Variants in BFSP1 observed in about 807,000 individuals in gnomAD.
The protein encoded by BFSP1 is beaded filament structural protein 1, also known as filensin.
Under a neutral mutation model 43.9 loss-of-function variants are expected in BFSP1, and 38 were observed. The ratio of observed to expected loss-of-function variants is 0.87; its 90% CI spans 0.67 to 1.14. The LOEUF is 1.14. Ranked by LOEUF, BFSP1 falls within the 50% of genes most tolerant of loss-of-function variation. The pLI is 0.00. For synonymous variants in BFSP1, 352 were observed against 354.8 expected (o/e 0.99, Z 0.09); for missense variants, 850 against 875.1 (o/e 0.97, Z 0.36).
intron 4 of BFSP1, among the ~76,000 whole-genome samples, chr20:17,511,505 G>A (rs898584295): frequency 1.3e-5 from 2 of 152,220 alleles, no homozygotes; most frequent in African/African-American, 4.8e-5. Flanking sequence ...GCAGATGAGT[G>A]CACAAAAGGA....
chr20:17,514,823 T>C lies in BFSP1; in HGVS notation c.439-7A>G. On this transcript the variant is annotated splice_polypyrimidine_tract_variant and splice_region_variant and intron_variant, in intron 2 of 7. Coordinates refer to ENST00000377873, the MANE Select transcript of BFSP1 (RefSeq NM_001195.5). ...GCAAGGCTTCATCAGCTTCCTGCAA[T>C]GAGAGCCACATATCCCTGGCCACAG... 1 of 1,613,050 alleles carries C rather than the reference T, an allele frequency of 6.2e-7. No individual in the cohort carries two copies. The highest frequency in any genetic ancestry group is 8.5e-7 in the Non-Finnish European group (1 of 1,179,536).
chr20:17,554,668 G>A (rs2034960693), intron 1 of BFSP1, among the ~76,000 whole-genome samples: 1 of 152,204 alleles, frequency 6.6e-6, no homozygotes, highest in African/African-American at 2.4e-5. Context: ...AATATTAGAT[G>A]CTTTTCCACC....
At chr20:17,515,637 C>T (rs991661234) in intron 2 of BFSP1, among the ~76,000 whole-genome samples, 3 of 152,178 alleles carry the variant, frequency 2.0e-5, no homozygotes, top group Non-Finnish European at 4.4e-5. Context: ...TATTCATGCT[C>T]TTAATAAGAT....
At chr20:17,512,377 C>T (rs2034104952) in intron 3 of BFSP1, among the ~76,000 whole-genome samples, 1 of 151,028 alleles carries the variant, frequency 6.6e-6, no homozygotes, top group African/African-American at 2.4e-5. Flanking sequence ...GTGCATTGGT[C>T]TTCACAAAGC....
intron 6 of BFSP1, among the ~76,000 whole-genome samples, chr20:17,497,823 A>G (rs2033692099): frequency 6.6e-6 from 1 of 152,102 alleles, no homozygotes; most frequent in South Asian, 2.1e-4. Flanking sequence ...ATTTAAAATT[A>G]GACCAAAATC....
chr20:17,520,133 G>C (rs1004781489), intron 2 of BFSP1, among the ~76,000 whole-genome samples: 1 of 152,070 alleles, frequency 6.6e-6, no homozygotes, highest in Non-Finnish European at 1.5e-5. Context: ...GATCAGAAAT[G>C]CAAATACTCC....
At chr20:17,538,727 TCAGAAATG>T (rs1272649371) in intron 1 of BFSP1, among the ~76,000 whole-genome samples, 11 of 152,190 alleles carry the variant, frequency 7.2e-5, no homozygotes, top group African/African-American at 2.7e-4. Flanking sequence ...TCCCATGACC[TCAGAAATG>T]CAGAAATGAG....
chr20:17,558,861 G>C, exon 1 of BFSP1: 1 of 892,700 alleles, frequency 1.1e-6, no homozygotes, highest in Non-Finnish European at 1.6e-6. Flanking sequence ...TTTGCAGAGA[G>C]GAAGTGACTC....
chr20:17,549,760 C>CG (rs1183710278), intron 1 of BFSP1, among the ~76,000 whole-genome samples: 2 of 152,082 alleles, frequency 1.3e-5, no homozygotes, highest in African/African-American at 2.4e-5. Flanking sequence ...CACTTAAACC[C>CG]GGGGGGCAGA....
At chr20:17,522,857 C>CA (rs1326518316) in intron 2 of BFSP1, among the ~76,000 whole-genome samples, 1 of 152,214 alleles carries the variant, frequency 6.6e-6, no homozygotes, top group Non-Finnish European at 1.5e-5. Flanking sequence ...AGGGACAAGG[C>CA]AATTGGCCCA....
chr20:17,529,090 T>TGTGTGTGTGTGAGA (rs577672397), intron 1 of BFSP1, among the ~76,000 whole-genome samples: 20 of 151,496 alleles, frequency 1.3e-4, no homozygotes, highest in African/African-American at 4.6e-4. Context: ...TGTGTGTGTG[T>TGTGTGTGTGTGAGA]GAGACAGAGT....
chr20:17,509,002 C>T lies in BFSP1; in HGVS notation c.628-6G>A, dbSNP rs751759174. The T allele has an allele frequency of 1.9e-6, 3 of 1,549,430 alleles. No homozygotes were observed. In the African/African-American group the frequency reaches 4.1e-5, roughly 21 times the overall value. On this transcript the variant is annotated splice_region_variant and splice_polypyrimidine_tract_variant and intron_variant, in intron 4 of 7. Coordinates refer to ENST00000377873, the MANE Select transcript of BFSP1 (RefSeq NM_001195.5). Reference sequence around the variant, plus strand: ...CGCTCCGTCAGGAGCTTCTCCTGCACAGAGAAGGCCAGAGTCAGACTCATG... The same window carrying T: ...CGCTCCGTCAGGAGCTTCTCCTGCATAGAGAAGGCCAGAGTCAGACTCATG...
At chr20:17,513,747 T>C (rs1390823820) in intron 3 of BFSP1, among the ~76,000 whole-genome samples, 1 of 152,190 alleles carries the variant, frequency 6.6e-6, no homozygotes, top group African/African-American at 2.4e-5. Flanking sequence ...TGGGCAGTGA[T>C]GCCAGGAAAC....
intron 1 of BFSP1, among the ~76,000 whole-genome samples, chr20:17,547,848 A>C (rs1421840542): frequency 3.4e-5 from 5 of 147,822 alleles, no homozygotes; most frequent in African/African-American, 1.0e-4. Context: ...CTTCTGCCTC[A>C]GCCTCTCAAG....
chr20:17,516,575 C>T (rs2034205987), intron 2 of BFSP1, among the ~76,000 whole-genome samples: 1 of 152,118 alleles, frequency 6.6e-6, no homozygotes, highest in Non-Finnish European at 1.5e-5. Flanking sequence ...ACCTTGGGGG[C>T]CTGCATCACA....
At chr20:17,543,695 C>G (rs574251218) in intron 1 of BFSP1, among the ~76,000 whole-genome samples, 45 of 152,304 alleles carry the variant, frequency 3.0e-4, no homozygotes, top group African/African-American at 9.9e-4. Context: ...AATCCACCAG[C>G]AAAATGCCCT....
intron 1 of BFSP1, among the ~76,000 whole-genome samples, chr20:17,552,762 T>C (rs2034915854): frequency 1.3e-5 from 2 of 152,118 alleles, no homozygotes; most frequent in South Asian, 4.1e-4. Flanking sequence ...AAGGATGAAA[T>C]TGACATTTAC....
At chr20:17,515,960 G>A (rs1169613864) in intron 2 of BFSP1, among the ~76,000 whole-genome samples, 1 of 152,216 alleles carries the variant, frequency 6.6e-6, no homozygotes, top group Non-Finnish European at 1.5e-5. Context: ...GACTGGCCAT[G>A]AGATGTAGGG....
At chr20:17,527,097 A>G (rs1177900889) in intron 1 of BFSP1, among the ~76,000 whole-genome samples, 1 of 152,270 alleles carries the variant, frequency 6.6e-6, no homozygotes, top group African/African-American at 2.4e-5. Context: ...AATTATGAAT[A>G]TGTGCAATGT....
Sources: gnomAD v4.1 joint callset for allele counts (sites outside exome capture counted in the v4.1 genomes callset) on GRCh38, gnomAD v4.1.1 for gene constraint, MANE v1.5 for transcripts, NCBI Gene and HGNC (gene_info 2026-07-23, HGNC 2026-07-21) for gene names.